RGS6: variants seen among roughly 807,000 people sequenced by gnomAD.
RGS6 encodes regulator of G-protein signaling 6.
Under a neutral mutation model 78.5 loss-of-function variants are expected in RGS6, and 30 were observed. The observed-to-expected ratio is 0.38, with a 90% CI of 0.29 to 0.52. The LOEUF (loss-of-function observed/expected upper bound fraction) is 0.52. Among genes scored for constraint, RGS6 ranks in the 20% least tolerant of loss-of-function variants. The pLI is 0.85. For missense variants in RGS6, 495 were observed against 609.7 expected (o/e 0.81, Z 1.98); for synonymous variants, 206 against 206.0 (o/e 1.00, Z 0.00).
chr14:72,019,165 T>C (rs991847025), intron 2 of RGS6, among the ~76,000 whole-genome samples: 2 of 152,208 alleles, frequency 1.3e-5, no homozygotes, highest in African/African-American at 4.8e-5. Flanking sequence ...GTTAAGAAAC[T>C]GGCCCAATCC....
At chr14:72,472,812 T>A (rs1598018901) in intron 8 of RGS6, 60 bp from the exon 9 acceptor site, 1 of 1,259,676 alleles carries the variant, frequency 7.9e-7, no homozygotes, top group East Asian at 2.3e-5. Context: ...CTGGAGCAAG[T>A]GTCAGAAGGG....
At chr14:72,358,336 C>T (rs1413051916) in intron 3 of RGS6, among the ~76,000 whole-genome samples, 2 of 152,168 alleles carry the variant, frequency 1.3e-5, no homozygotes, top group African/African-American at 2.4e-5. Context: ...CCTCCAGACT[C>T]CAGAATGGTA....
chr14:71,941,280 G>A (rs1290798934), intron 1 of RGS6, among the ~76,000 whole-genome samples: 1 of 152,106 alleles, frequency 6.6e-6, no homozygotes, highest in Non-Finnish European at 1.5e-5. Flanking sequence ...TCTCTAAACA[G>A]TTTCTGCCAA....
At chr14:72,577,896 A>G in the RGS6 span, among the ~76,000 whole-genome samples, 1 of 152,240 alleles carries the variant, frequency 6.6e-6, no homozygotes, top group African/African-American at 2.4e-5. Context: ...ATCTCGCTTT[A>G]AACAGAAAAG....
chr14:72,364,019 A>C (rs933560939), intron 3 of RGS6, among the ~76,000 whole-genome samples: 3 of 150,894 alleles, frequency 2.0e-5, no homozygotes, highest in East Asian at 1.9e-4. Flanking sequence ...AAAAAAAAAA[A>C]AAAAAAACTC....
At chr14:72,345,658 A>G (rs1441022131) in intron 2 of RGS6, among the ~76,000 whole-genome samples, 1 of 152,198 alleles carries the variant, frequency 6.6e-6, no homozygotes, top group Non-Finnish European at 1.5e-5. Context: ...CTGTAAGCCT[A>G]GTTCCCTGAG....
intron 1 of RGS6, among the ~76,000 whole-genome samples, chr14:71,947,393 AGCTTCTCT>A (rs1156296899): frequency 2.0e-5 from 3 of 152,168 alleles, no homozygotes; most frequent in Non-Finnish European, 2.9e-5. Flanking sequence ...AGCTTTCAAA[AGCTTCTCT>A]GCAAAAATCA....
At chr14:72,457,511 C>A (rs1048082074) in intron 4 of RGS6, among the ~76,000 whole-genome samples, 1 of 151,884 alleles carries the variant, frequency 6.6e-6, no homozygotes, top group African/African-American at 2.4e-5. Flanking sequence ...GTTGCTCAGG[C>A]TTGTCTCAAA....
At chr14:72,099,136 TATCTCC>T (rs1468770551) in intron 2 of RGS6, among the ~76,000 whole-genome samples, 1 of 152,174 alleles carries the variant, frequency 6.6e-6, no homozygotes, top group African/African-American at 2.4e-5. Context: ...GTGCTTTTAC[TATCTCC>T]ATCTTACAGA....
intron 3 of RGS6, among the ~76,000 whole-genome samples, chr14:72,454,111 G>A (rs1050928170): frequency 7.2e-5 from 11 of 152,336 alleles, no homozygotes; most frequent in African/African-American, 1.7e-4. Flanking sequence ...GGCCTGTGCC[G>A]GAAGAGATGA....
intron 2 of RGS6, among the ~76,000 whole-genome samples, chr14:72,020,664 T>C (rs144939099): frequency 9.2e-5 from 14 of 152,368 alleles, no homozygotes; most frequent in Middle Eastern, 3.4e-3. Context: ...TTACTGAATA[T>C]GTTTTGTGTG....
intron 2 of RGS6, among the ~76,000 whole-genome samples, chr14:72,045,007 G>A (rs2092723732): frequency 6.6e-6 from 1 of 152,184 alleles, no homozygotes; most frequent in Non-Finnish European, 1.5e-5. Flanking sequence ...TACATTGTTG[G>A]CTCTTCTGAT....
At chr14:72,427,325 G>A (rs1860153) in intron 3 of RGS6, among the ~76,000 whole-genome samples, 22,988 of 152,134 alleles carry the variant, frequency 0.15, 1,946 homozygotes, top group Middle Eastern at 0.22. Flanking sequence ...TCATAGGTAT[G>A]TATGTATAGA....
the RGS6 span, among the ~76,000 whole-genome samples, chr14:72,577,708 G>A: frequency 6.6e-6 from 1 of 152,218 alleles, no homozygotes; most frequent in Admixed American, 6.5e-5. Context: ...TGACTTCCGT[G>A]TCCTAAGTCC....
the RGS6 span, among the ~76,000 whole-genome samples, chr14:71,914,128 T>C: frequency 2.6e-5 from 4 of 152,248 alleles, no homozygotes; most frequent in Non-Finnish European, 4.4e-5. Context: ...TCTGAGACTC[T>C]CCTGGTCCTC....
intron 2 of RGS6, among the ~76,000 whole-genome samples, chr14:72,325,741 C>G (rs2073566639): frequency 6.6e-6 from 1 of 151,970 alleles, no homozygotes; most frequent in Non-Finnish European, 1.5e-5. Flanking sequence ...TAAATAGGTA[C>G]TTCCCAAAAA....
intron 2 of RGS6, among the ~76,000 whole-genome samples, chr14:72,236,356 G>A (rs558985389): frequency 5.6e-4 from 85 of 152,154 alleles, no homozygotes; most frequent in Non-Finnish European, 6.9e-4. Context: ...CCACTAAACA[G>A]TTCAGCATGC....
intron 14 of RGS6, among the ~76,000 whole-genome samples, chr14:72,512,371 T>C (rs1019901913): frequency 6.6e-6 from 1 of 152,194 alleles, no homozygotes. Context: ...CAGACTAGTT[T>C]CACAAATTAT....
intron 15 of RGS6, among the ~76,000 whole-genome samples, chr14:72,533,439 G>A (rs28788858): frequency 0.19 from 29,048 of 152,196 alleles, 3,229 homozygotes; most frequent in African/African-American, 0.31. Flanking sequence ...CACAACATCC[G>A]TTCTGTAGCC....
Sources: gnomAD v4.1 joint callset for allele counts (sites outside exome capture counted in the v4.1 genomes callset) on GRCh38, gnomAD v4.1.1 for gene constraint, MANE v1.5 for transcripts, NCBI Gene and HGNC (gene_info 2026-07-23, HGNC 2026-07-21) for gene names.